The following AGMO variants were observed in gnomAD, a reference collection of about 807,000 sequenced individuals.
The protein encoded by AGMO is glyceryl-ether monooxygenase.
A neutral mutation model predicts 60.2 loss-of-function variants in AGMO; 75 were observed. That is an observed-to-expected ratio of 1.25 (90% CI 1.03 to 1.51). The LOEUF (loss-of-function observed/expected upper bound fraction) is 1.51, where lower values mean the gene tolerates loss of function less well. Among genes scored for constraint, AGMO ranks in the 40% most tolerant of loss-of-function variants. The pLI is 0.00. For missense variants in AGMO, 763 were observed against 525.5 expected, an observed-to-expected ratio of 1.45 and a Z score of -4.42; for synonymous variants, 261 against 177.1, an observed-to-expected ratio of 1.47 and a Z score of -3.76.
chr7:15,256,186 G>A (rs979914280), intron 12 of AGMO, among the ~76,000 whole-genome samples: 3 of 152,186 alleles, frequency 2.0e-5, no homozygotes, highest in African/African-American at 7.2e-5. Flanking sequence ...GAGTGTTCAG[G>A]TAGGAAAAAG....
chr7:15,337,163 G>T (rs991514082), intron 12 of AGMO, among the ~76,000 whole-genome samples: 1 of 152,090 alleles, frequency 6.6e-6, no homozygotes, highest in Non-Finnish European at 1.5e-5. Context: ...AGTTTATATT[G>T]CAACTACAGG....
intron 2 of AGMO, among the ~76,000 whole-genome samples, chr7:15,553,284 C>T (rs1345443311): frequency 3.4e-5 from 5 of 149,152 alleles, no homozygotes; most frequent in African/African-American, 5.0e-5. Context: ...AACTAACCTG[C>T]GCAATGTGCA....
At chr7:15,545,802 G>A (rs913021295) in intron 2 of AGMO, among the ~76,000 whole-genome samples, 4 of 151,678 alleles carry the variant, frequency 2.6e-5, no homozygotes, top group African/African-American at 4.8e-5. Context: ...TTTAAGATTA[G>A]CTTCTAGATG....
intron 12 of AGMO, among the ~76,000 whole-genome samples, chr7:15,218,381 T>C (rs1024703137): frequency 6.6e-6 from 1 of 150,872 alleles, no homozygotes; most frequent in Admixed American, 6.6e-5. Flanking sequence ...AATTTTTGTT[T>C]TACGATTTTG....
intron 8 of AGMO, among the ~76,000 whole-genome samples, chr7:15,388,422 G>A (rs1004666332): frequency 5.3e-5 from 8 of 152,048 alleles, no homozygotes; most frequent in Non-Finnish European, 1.2e-4. Context: ...CTGGGGCTTT[G>A]CAATAATAAT....
chr7:15,153,729 G>A, the AGMO span, among the ~76,000 whole-genome samples: 3 of 152,020 alleles, frequency 2.0e-5, no homozygotes, highest in Non-Finnish European at 4.4e-5. Context: ...ATGCTGTTTT[G>A]GTGACTATGG....
chr7:15,203,250 T>C (rs1203396153), intron 12 of AGMO, among the ~76,000 whole-genome samples: 1 of 152,094 alleles, frequency 6.6e-6, no homozygotes, highest in Admixed American at 6.5e-5. Context: ...CGACTTCCAG[T>C]ACTATTAAAA....
chr7:15,126,796 C>T, the AGMO span, among the ~76,000 whole-genome samples: 2 of 152,112 alleles, frequency 1.3e-5, no homozygotes, highest in Non-Finnish European at 2.9e-5. Context: ...CCTCTTTCCC[C>T]TTGTTTTCCT....
chr7:15,382,586 C>T (rs561168155), intron 10 of AGMO, among the ~76,000 whole-genome samples: 9 of 152,210 alleles, frequency 5.9e-5, no homozygotes, highest in East Asian at 5.8e-4. Context: ...GAATTTGCTG[C>T]CTTTGGTCAA....
At chr7:15,530,315 T>A (rs376946120) in intron 3 of AGMO, among the ~76,000 whole-genome samples, 2 of 67,648 alleles carry the variant, frequency 3.0e-5, no homozygotes, top group African/African-American at 5.4e-5. Flanking sequence ...CCATATATAT[T>A]CTATATACGT....
chr7:15,519,678 A>G (rs1431736591), intron 3 of AGMO, among the ~76,000 whole-genome samples: 1 of 152,144 alleles, frequency 6.6e-6, no homozygotes, highest in Non-Finnish European at 1.5e-5. Context: ...AAAAGGAAAA[A>G]CCAGTACCAG....
chr7:15,297,517 C>A (rs1355744825), intron 12 of AGMO, among the ~76,000 whole-genome samples: 1 of 152,120 alleles, frequency 6.6e-6, no homozygotes, highest in Non-Finnish European at 1.5e-5. Context: ...AAAAGTTCAA[C>A]TCTTTTTTGA....
chr7:15,497,966 T>C (rs1236438195), intron 3 of AGMO, among the ~76,000 whole-genome samples: 1 of 151,974 alleles, frequency 6.6e-6, no homozygotes, highest in Non-Finnish European at 1.5e-5. Context: ...TCATGCTTGA[T>C]GGGAGAAGTA....
chr7:15,278,250 C>T lies in AGMO; in HGVS notation c.1264-76891G>A, dbSNP rs13234773. Reference sequence around the variant, plus strand: ...TGCTTCATGTACAGAAGGGGAGTGACTTTACCTTTCAGAACATGTGGGTGG... The same window carrying T: ...TGCTTCATGTACAGAAGGGGAGTGATTTTACCTTTCAGAACATGTGGGTGG... On this transcript the variant is annotated intron_variant, in intron 12 of 12. Transcript: ENST00000342526. Among the ~76,000 whole-genome samples, 584 of 152,204 alleles carry T rather than the reference C, an allele frequency of 3.8e-3. 3 individuals carry two copies. Among genetic ancestry groups the T allele is most frequent in the Non-Finnish European group, 5.1e-3 (347 of 68,010 alleles).
At chr7:15,313,285 G>A (rs12113086) in intron 12 of AGMO, among the ~76,000 whole-genome samples, 101,054 of 152,026 alleles carry the variant, frequency 0.66, 34,220 homozygotes, top group African/African-American at 0.79. Flanking sequence ...TTCCACACAC[G>A]ATGCTAAACA....
chr7:15,251,715 T>C (rs1028936664), intron 12 of AGMO, among the ~76,000 whole-genome samples: 4 of 152,150 alleles, frequency 2.6e-5, no homozygotes, highest in Non-Finnish European at 5.9e-5. Context: ...TTCCTCCCAG[T>C]TGAGTCCTTG....
chr7:15,305,914 G>A (rs1416385792), intron 12 of AGMO, among the ~76,000 whole-genome samples: 1 of 151,772 alleles, frequency 6.6e-6, no homozygotes, highest in Non-Finnish European at 1.5e-5. Context: ...TTTAAAGACT[G>A]ATTTCATTTT....
chr7:15,239,851 G>C (rs1007704356), intron 12 of AGMO, among the ~76,000 whole-genome samples: 1 of 152,176 alleles, frequency 6.6e-6, no homozygotes, highest in African/African-American at 2.4e-5. Context: ...GAGCCTCACC[G>C]GTTTTCAGCC....
At chr7:15,300,017 G>C (rs1416272197) in intron 12 of AGMO, among the ~76,000 whole-genome samples, 1 of 152,072 alleles carries the variant, frequency 6.6e-6, no homozygotes, top group South Asian at 2.1e-4. Flanking sequence ...ACTGACCAAA[G>C]CATGGAATTT....
Sources: allele counts gnomAD v4.1 joint callset (sites outside exome capture counted in the v4.1 genomes callset), GRCh38; gene constraint gnomAD v4.1.1; transcripts MANE v1.5; gene names NCBI Gene and HGNC (gene_info 2026-07-23, HGNC 2026-07-21).